Variants in HM13 observed in about 807,000 individuals in gnomAD.
The protein encoded by HM13 is histocompatibility minor 13.
In HM13, 18 loss-of-function variants were observed where a neutral mutation model predicts 50.0. That is an observed-to-expected ratio of 0.36 (90% confidence interval 0.25 to 0.53). The LOEUF is 0.53. Ranked by LOEUF, HM13 falls within the 20% of genes least tolerant of loss-of-function variation. HM13 has a pLI of 0.90. For synonymous variants in HM13, 197 were observed against 232.6 expected, an observed-to-expected ratio of 0.85 and a Z score of 1.39; for missense variants, 393 against 552.4, an observed-to-expected ratio of 0.71 and a Z score of 2.89.
At chr20:31,556,145 T>G (rs967227201) in intron 8 of HM13, among the ~76,000 whole-genome samples, 4 of 151,750 alleles carry the variant, frequency 2.6e-5, no homozygotes, top group Non-Finnish European at 4.4e-5. Context: ...GATTCTCGAT[T>G]CTCCTGCCTC....
chr20:31,518,180 C>T (rs1981918753), intron 1 of HM13, among the ~76,000 whole-genome samples: 1 of 151,660 alleles, frequency 6.6e-6, no homozygotes, highest in Non-Finnish European at 1.5e-5. Flanking sequence ...GGATTACAGG[C>T]TGGCACCACC....
intron 10 of HM13, among the ~76,000 whole-genome samples, chr20:31,564,506 G>A (rs550256433): frequency 1.3e-5 from 2 of 152,178 alleles, no homozygotes; most frequent in African/African-American, 4.8e-5. Flanking sequence ...GAGCCCAGGA[G>A]GTCAAGGCTA....
chr20:31,561,928 G>A (rs1984639976), intron 10 of HM13, among the ~76,000 whole-genome samples, 192 bp downstream of exon 10: 1 of 152,200 alleles, frequency 6.6e-6, no homozygotes, highest in African/African-American at 2.4e-5. Flanking sequence ...GGCAGCATGG[G>A]CACGTTAGAG....
chr20:31,550,165 G>T, intron 7 of HM13, 44 bp downstream of exon 7: 1 of 1,435,402 alleles, frequency 7.0e-7, no homozygotes, highest in Non-Finnish European at 9.8e-7. Flanking sequence ...CCCCACCCCT[G>T]CCGGGCCATG....
chr20:31,535,401 G>A (rs561677504), intron 2 of HM13: 2 of 152,170 alleles, frequency 1.3e-5, no homozygotes, highest in Non-Finnish European at 2.9e-5. Flanking sequence ...ATGCTCTAAA[G>A]CCTGTACTCT....
chr20:31,525,587 A>G (rs543678859), intron 1 of HM13, among the ~76,000 whole-genome samples: 1 of 152,222 alleles, frequency 6.6e-6, no homozygotes, highest in East Asian at 1.9e-4. Context: ...GCCATGATAT[A>G]AAACAGTTGC....
chr20:31,533,453 C>T (rs1320622199), intron 2 of HM13, among the ~76,000 whole-genome samples: 4 of 152,250 alleles, frequency 2.6e-5, no homozygotes, highest in East Asian at 1.9e-4. Flanking sequence ...TGTGGTGAGC[C>T]GAGAACATGC....
In HM13 at chr20:31,568,126, C is replaced by T; in HGVS notation, c.1083C>T (p.His361=). 1 of 1,613,348 alleles carries T rather than the reference C, an allele frequency of 6.2e-7. No homozygotes were observed. The highest frequency in any genetic ancestry group is 8.5e-7 in the Non-Finnish European group (1 of 1,179,878). ...EILPHTPRLT[H]FPTVSGSPAS... ...TGCCTCATACCCCGAGGCTCACCCA[C>T]TTCCCCACAGTCTCGGGCTCCCCAG... Residue 361 remains histidine, a synonymous_variant, in exon 12 of 13, where the codon CAC becomes CAT. Transcript: ENST00000398174.
chr20:31,557,726 T>TTC (rs1568797617), intron 8 of HM13, among the ~76,000 whole-genome samples: 1 of 150,142 alleles, frequency 6.7e-6, no homozygotes. Context: ...TTTTTTTTTT[T>TTC]TGAGATGGAG....
At chr20:31,565,963 C>T in intron 10 of HM13, 1 of 370,786 alleles carries the variant, frequency 2.7e-6, no homozygotes, top group East Asian at 4.6e-5. Context: ...ATGCTGCCAG[C>T]CAAACCCCTG....
At chr20:31,565,481 CAAAA>C (rs549803053) in intron 10 of HM13, among the ~76,000 whole-genome samples, 3 of 90,072 alleles carry the variant, frequency 3.3e-5, no homozygotes, top group African/African-American at 3.6e-5. Flanking sequence ...GACTCTGTCT[CAAAA>C]AAAAAAAAAA....
Position 31,514,562 on chromosome 20 carries a change from C to T in HM13, c.11C>T (p.Ala4Val), listed in dbSNP as rs1260700641. 1.2e-6 allele frequency: 2 copies of T among 1,606,322 alleles called. No homozygotes were observed. Among genetic ancestry groups the T allele is most frequent in the Non-Finnish European group, 1.7e-6 (2 of 1,178,052 alleles). MDS[A>V]LSDPHNGSAE... ...GAACGCACCCTCGCCATGGACTCGGCCCTCAGCGATCCGCATAACGGCAGT... is the reference window on the plus strand; with the variant it reads ...GAACGCACCCTCGCCATGGACTCGGTCCTCAGCGATCCGCATAACGGCAGT... Residue 4 changes from alanine (A) to valine (V), a missense_variant, in exon 1 of 13, where the codon GCC becomes GTC. Transcript: ENST00000398174. The surrounding 1 kb of genome is among the most constrained non-coding windows in gnomAD (Gnocchi z 4.3).
At chr20:31,559,483 G>A in intron 8 of HM13, 128 bp from the exon 9 acceptor site, 1 of 895,284 alleles carries the variant, frequency 1.1e-6, no homozygotes, top group Non-Finnish European at 1.9e-6. Context: ...GAGAGTATTG[G>A]CCACACCCTT....
At chr20:31,547,617 A>G (rs766183099) in intron 4 of HM13, 3 of 1,577,704 alleles carry the variant, frequency 1.9e-6, no homozygotes, top group Non-Finnish European at 2.6e-6. Context: ...GTATTGAACC[A>G]TGGCTTAATC....
intron 10 of HM13, among the ~76,000 whole-genome samples, chr20:31,565,300 G>A (rs1008996946): frequency 6.6e-6 from 1 of 151,272 alleles, no homozygotes; most frequent in East Asian, 1.9e-4. Context: ...CGAACGTGGT[G>A]AAACCCCATC....
Position 31,554,838 on chromosome 20 carries a change from G to A in HM13, c.808+9G>A, listed in dbSNP as rs747796600. The A allele has an allele frequency of 1.9e-6, 3 of 1,611,416 alleles. No individual in the cohort carries two copies. The East Asian group carries it at 6.7e-5, about 36-fold the overall frequency. ...AGATGTCGTCATTCCAGGTGAGCCT[G>A]CTGGTGTGGGGGCTATGTGAAAGGG... On this transcript the variant is annotated intron_variant, in intron 8 of 12. Transcript: ENST00000398174.
intron 1 of HM13, among the ~76,000 whole-genome samples, chr20:31,519,981 GGGATTACA>G (rs1413006276): frequency 1.3e-5 from 2 of 151,610 alleles, no homozygotes; most frequent in African/African-American, 4.8e-5. Context: ...TTGAGTAGCT[GGGATTACA>G]GGATTACAGG....
Position 31,537,332 on chromosome 20 carries a change from C to T in HM13, c.283-847C>T, listed in dbSNP as rs529130911. ...AGGCCAACAGGTGGATGTGAGCTTT[C>T]GGCTTATGAGAGCAGAGGTTAGCTG... is the stretch of plus-strand genomic sequence containing the variant. On this transcript the variant is annotated intron_variant, in intron 2 of 12. Transcript: ENST00000398174. Among the ~76,000 whole-genome samples the T allele has an allele frequency of 4.6e-5, 7 of 152,326 alleles. No homozygotes were observed. In the South Asian group the frequency reaches 1.5e-3, roughly 32 times the overall value.
At chr20:31,522,648 C>T (rs751448763) in intron 1 of HM13, among the ~76,000 whole-genome samples, 8 of 151,880 alleles carry the variant, frequency 5.3e-5, no homozygotes, top group Non-Finnish European at 1.0e-4. Flanking sequence ...CAAGGCCTTG[C>T]TTAAGTGGTA....
Sources: allele counts gnomAD v4.1 joint callset (sites outside exome capture counted in the v4.1 genomes callset), GRCh38; gene constraint gnomAD v4.1.1; non-coding constraint Gnocchi (gnomAD v3.1); transcripts MANE v1.5; gene names NCBI Gene and HGNC (gene_info 2026-07-23, HGNC 2026-07-21).